The following SHROOM3 variants were observed in gnomAD, a reference collection of about 807,000 sequenced individuals.
SHROOM3 encodes the protein shroom family member 3.
In SHROOM3, 47 loss-of-function variants were observed where a neutral mutation model predicts 138.6. The ratio of observed to expected loss-of-function variants is 0.34; its 90% CI spans 0.27 to 0.43. The LOEUF (loss-of-function observed/expected upper bound fraction) is 0.43, where lower values mean the gene tolerates loss of function less well. Among genes scored for constraint, SHROOM3 ranks in the 20% least tolerant of loss-of-function variants. The pLI is 1.00. For missense variants in SHROOM3, 2,491 were observed against 2,596.5 expected, an observed-to-expected ratio of 0.96 and a Z score of 0.88; for synonymous variants, 1,062 against 1,063.3, an observed-to-expected ratio of 1.00 and a Z score of 0.02.
chr4:76,523,494 G>T (rs1309333671), intron 1 of SHROOM3, among the ~76,000 whole-genome samples: 1 of 152,154 alleles, frequency 6.6e-6, no homozygotes, highest in East Asian at 1.9e-4. Flanking sequence ...ATGGATTTTG[G>T]TGAAAGGTAG....
At chr4:76,674,806 C>T (rs756740719) in intron 2 of SHROOM3, among the ~76,000 whole-genome samples, 8 of 152,024 alleles carry the variant, frequency 5.3e-5, no homozygotes, top group East Asian at 3.9e-4. Flanking sequence ...CCGCCTGCCT[C>T]GGCCTCCCAA....
intron 2 of SHROOM3, among the ~76,000 whole-genome samples, chr4:76,701,386 G>A (rs1012413417): frequency 2.6e-5 from 4 of 152,190 alleles, no homozygotes; most frequent in African/African-American, 7.2e-5. Flanking sequence ...AAAAATTAGA[G>A]TATGAGACCC....
intron 1 of SHROOM3, among the ~76,000 whole-genome samples, chr4:76,480,174 T>C (rs1316080220): frequency 1.3e-5 from 2 of 152,168 alleles, no homozygotes; most frequent in Non-Finnish European, 2.9e-5. Flanking sequence ...AATAGACCGA[T>C]TAAAAGACAC....
chr4:76,696,892 TG>T (rs1055788838), intron 2 of SHROOM3, among the ~76,000 whole-genome samples: 22 of 152,198 alleles, frequency 1.4e-4, no homozygotes, highest in African/African-American at 4.6e-4. Context: ...AGGTTCAAGA[TG>T]AAAACAAAAC....
chr4:76,717,153 CT>C (rs1720398651), intron 3 of SHROOM3, among the ~76,000 whole-genome samples: 1 of 152,132 alleles, frequency 6.6e-6, no homozygotes, highest in South Asian at 2.1e-4. Context: ...CACTTTCAAT[CT>C]TTTACTCCAC....
chr4:76,689,656 G>A, intron 2 of SHROOM3: 1 of 985,356 alleles, frequency 1.0e-6, no homozygotes, highest in East Asian at 1.1e-4. Context: ...CGTCGGCCTG[G>A]AGCCCCGAGC....
At chr4:76,551,795 A>C (rs996485837) in intron 1 of SHROOM3, among the ~76,000 whole-genome samples, 2 of 152,112 alleles carry the variant, frequency 1.3e-5, no homozygotes, top group African/African-American at 4.8e-5. Context: ...AAACTATTAG[A>C]TGTCACTTTA....
intron 2 of SHROOM3, among the ~76,000 whole-genome samples, chr4:76,674,554 C>CTTTTTTT (rs11312421): frequency 1.0e-3 from 107 of 103,290 alleles, no homozygotes; most frequent in South Asian, 2.8e-3. Context: ...TCCTTCCTTC[C>CTTTTTTT]TTTTTTTTTT....
intron 5 of SHROOM3, among the ~76,000 whole-genome samples, chr4:76,743,565 C>T (rs1457863527): frequency 6.6e-6 from 1 of 152,236 alleles, no homozygotes; most frequent in African/African-American, 2.4e-5. Flanking sequence ...GAAATCCTCT[C>T]TGAAACATGC....
chr4:76,774,908 T>G (rs918835600), intron 10 of SHROOM3, among the ~76,000 whole-genome samples: 8 of 152,118 alleles, frequency 5.3e-5, no homozygotes, highest in Non-Finnish European at 1.2e-4. Context: ...TGAGGTATAC[T>G]TAAGTGATCT....
intron 2 of SHROOM3, among the ~76,000 whole-genome samples, chr4:76,643,516 T>C (rs1006490793): frequency 1.3e-5 from 2 of 152,126 alleles, no homozygotes; most frequent in South Asian, 4.1e-4. Context: ...TAAGGTATGA[T>C]GAAAGGGGTT....
At chr4:76,492,746 C>T (rs1731879475) in intron 1 of SHROOM3, among the ~76,000 whole-genome samples, 1 of 152,146 alleles carries the variant, frequency 6.6e-6, no homozygotes, top group Admixed American at 6.5e-5. Flanking sequence ...TGAACTTAGA[C>T]TTTCTATGGT....
At chr4:76,693,370 G>GTTTTGTT (rs1719614694) in intron 2 of SHROOM3, among the ~76,000 whole-genome samples, 6 of 79,834 alleles carry the variant, frequency 7.5e-5, no homozygotes, top group African/African-American at 3.1e-4. Flanking sequence ...TGATAAGTTT[G>GTTTTGTT]TTTTTTTTTT....
At chr4:76,553,265 C>T (rs535679237) in intron 1 of SHROOM3, among the ~76,000 whole-genome samples, 2 of 152,036 alleles carry the variant, frequency 1.3e-5, no homozygotes, top group South Asian at 2.1e-4. Flanking sequence ...GGTTTCTTTT[C>T]TTTTCTCTTT....
chr4:76,680,918 C>T (rs1719173845), intron 2 of SHROOM3, among the ~76,000 whole-genome samples: 2 of 152,338 alleles, frequency 1.3e-5, no homozygotes, highest in South Asian at 2.1e-4. Flanking sequence ...AATCAATGAG[C>T]CCGGCACCTC....
chr4:76,483,856 G>T (rs1056566289), intron 1 of SHROOM3, among the ~76,000 whole-genome samples: 1 of 152,160 alleles, frequency 6.6e-6, no homozygotes, highest in Non-Finnish European at 1.5e-5. Flanking sequence ...CATGGATGAA[G>T]CTAGAAACCA....
At position 76,436,015 on chromosome 4, in the gene SHROOM3, G is replaced by T; in HGVS notation, c.-38G>T. 6.2e-7 allele frequency: 1 copy of T among 1,611,846 alleles called. No homozygotes were observed. The highest frequency in any genetic ancestry group is 8.5e-7 in the Non-Finnish European group (1 of 1,178,634). On this transcript the variant is annotated 5_prime_UTR_variant, in exon 1 of 11. It adds an upstream start codon to the 5' untranslated region. Transcript: ENST00000296043. ...GCACTGCTTGCCTGAGTTTGCTTCA[G>T]GCATTTTAAATTTAACTTGAGGGAT...
rs577463700 is a variant in SHROOM3 at position 76,648,471 on chromosome 4, C to A, written c.324-61685C>A. On this transcript the variant is annotated intron_variant, in intron 2 of 10. Transcript: ENST00000296043. The stretch of plus-strand genomic sequence containing the variant: ...AGAGTATTTCTTTATGCCAGTGATT[C>A]TTTGAAATGGATGGCTAGGCTGTTA... Among the ~76,000 whole-genome samples the A allele has an allele frequency of 2.6e-5, 4 of 151,678 alleles. No individual in the cohort carries two copies. In the South Asian group the frequency reaches 6.3e-4, roughly 24 times the overall value.
chr4:76,777,390 C>A (rs1415190389), intron 10 of SHROOM3, among the ~76,000 whole-genome samples: 2 of 152,158 alleles, frequency 1.3e-5, no homozygotes, highest in African/African-American at 4.8e-5. Context: ...TGATTTTATT[C>A]TCAGCTTGGT....
Sources: gnomAD v4.1 joint callset for allele counts (sites outside exome capture counted in the v4.1 genomes callset) on GRCh38, gnomAD v4.1.1 for gene constraint, MANE v1.5 for transcripts, NCBI Gene and HGNC (gene_info 2026-07-23, HGNC 2026-07-21) for gene names.